The following RGS5 variants were observed in gnomAD, a reference collection of about 807,000 sequenced individuals.
The protein encoded by RGS5 is regulator of G protein signaling 5.
In RGS5, 20 loss-of-function variants were observed where a neutral mutation model predicts 18.9. The observed-to-expected ratio is 1.06, with a 90% confidence interval of 0.74 to 1.54. The LOEUF (loss-of-function observed/expected upper bound fraction) is 1.54, where lower values mean the gene tolerates loss of function less well. RGS5 is among the 40% of genes most tolerant of loss of function. RGS5 has a pLI of 0.00. For synonymous variants in RGS5, 57 were observed against 76.2 expected (o/e 0.75, Z 1.31); for missense variants, 201 against 211.8 (o/e 0.95, Z 0.32).
At chr1:163,166,107 A>T (rs1452548614) in intron 2 of RGS5, among the ~76,000 whole-genome samples, 1 of 58,232 alleles carries the variant, frequency 1.7e-5, no homozygotes, top group Non-Finnish European at 3.2e-5. Flanking sequence ...AGAGAAAGGC[A>T]TAGAAGCAGG....
At chr1:163,298,763 C>T (rs1357779389) in intron 2 of RGS5, among the ~76,000 whole-genome samples, 1 of 152,052 alleles carries the variant, frequency 6.6e-6, no homozygotes, top group African/African-American at 2.4e-5. Flanking sequence ...CTATCTTCAG[C>T]CACTTAAGGG....
At chr1:163,209,820 T>G (rs1200987999) in intron 1 of RGS5, among the ~76,000 whole-genome samples, 1 of 152,138 alleles carries the variant, frequency 6.6e-6, no homozygotes, top group Non-Finnish European at 1.5e-5. Context: ...TTTACCAAAT[T>G]TTATGCCTCT....
intron 2 of RGS5, among the ~76,000 whole-genome samples, chr1:163,264,745 T>A (rs1557924568): frequency 6.6e-6 from 1 of 152,080 alleles, no homozygotes; most frequent in Non-Finnish European, 1.5e-5. Context: ...ATCCTTAGAG[T>A]CATTATATTT....
At chr1:163,191,946 C>A (rs1262577152) in intron 1 of RGS5, among the ~76,000 whole-genome samples, 1 of 152,074 alleles carries the variant, frequency 6.6e-6, no homozygotes, top group Non-Finnish European at 1.5e-5. Flanking sequence ...ATGCAGGGTT[C>A]AGAGAGCTTC....
chr1:163,319,498 T>C (rs1469138837), intron 1 of RGS5, among the ~76,000 whole-genome samples: 4 of 152,206 alleles, frequency 2.6e-5, no homozygotes, highest in Admixed American at 6.5e-5. Context: ...GGGAAATTAC[T>C]GATGATAAAT....
intron 1 of RGS5, among the ~76,000 whole-genome samples, chr1:163,209,050 T>C (rs1238238411): frequency 6.6e-6 from 1 of 152,138 alleles, no homozygotes; most frequent in Non-Finnish European, 1.5e-5. Flanking sequence ...AAAAGAAAAT[T>C]AGTTAAGTCC....
intron 4 of RGS5, among the ~76,000 whole-genome samples, chr1:163,148,732 G>T (rs1209541462): frequency 6.6e-6 from 1 of 152,180 alleles, no homozygotes; most frequent in African/African-American, 2.4e-5. Flanking sequence ...TACGTGAATG[G>T]TTCCTCTGGA....
chr1:163,168,410 G>A, intron 1 of RGS5, 42 bp from the exon 2 acceptor site: 2 of 1,358,462 alleles, frequency 1.5e-6, no homozygotes, highest in Non-Finnish European at 1.0e-6. Flanking sequence ...CACCACATGT[G>A]CATACAGATT....
At chr1:163,169,945 A>G (rs1457499969) in intron 1 of RGS5, among the ~76,000 whole-genome samples, 1 of 152,164 alleles carries the variant, frequency 6.6e-6, no homozygotes, top group East Asian at 1.9e-4. Flanking sequence ...TTGTATCTTC[A>G]GTATTTTAGT....
At chr1:163,231,901 C>T (rs1304350237) in intron 2 of RGS5, among the ~76,000 whole-genome samples, 3 of 152,008 alleles carry the variant, frequency 2.0e-5, no homozygotes, top group African/African-American at 7.2e-5. Flanking sequence ...CCTACTACTA[C>T]AGTAGTTGCT....
At chr1:163,283,618 G>A (rs1042384281) in intron 2 of RGS5, among the ~76,000 whole-genome samples, 2 of 152,122 alleles carry the variant, frequency 1.3e-5, no homozygotes, top group Non-Finnish European at 2.9e-5. Flanking sequence ...TATGGCAATG[G>A]TGATGGGATG....
At position 163,147,497 on chromosome 1, in the gene RGS5, T is replaced by C. The variant is rs752015607; in HGVS notation, c.391A>G (p.Ile131Val). 2 of 1,587,052 alleles carry C rather than the reference T, an allele frequency of 1.3e-6. No homozygotes were observed. Among genetic ancestry groups the C allele is most frequent in the East Asian group, 2.3e-5 (1 of 43,366 alleles). The change falls in exon 5 of 5, where the codon ATT becomes GTT. Residue 131 changes from isoleucine (I) to valine (V), a missense_variant. Ile to Val is a conservative substitution (Grantham distance 29, BLOSUM62 3). Coordinates refer to ENST00000313961, the MANE Select transcript of RGS5 (RefSeq NM_003617.4). Reference sequence around the variant, plus strand: ...GTGATGTCCTTAGTGAAGTGGTCAATATTCACCTGTGGGCCAGGAAACAGG... The same window carrying C: ...GTGATGTCCTTAGTGAAGTGGTCAACATTCACCTGTGGGCCAGGAAACAGG... ...IQTEAPKEVN[I>V]DHFTKDITMK...
intron 4 of RGS5, among the ~76,000 whole-genome samples, chr1:163,152,233 A>G (rs1294251757): frequency 3.9e-5 from 6 of 152,174 alleles, no homozygotes; most frequent in African/African-American, 1.4e-4. Context: ...AGTAGTCTCC[A>G]TTATTCTTAT....
chr1:163,313,978 T>C (rs147477129), intron 1 of RGS5, among the ~76,000 whole-genome samples: 1 of 149,730 alleles, frequency 6.7e-6, no homozygotes, highest in African/African-American at 2.5e-5. Context: ...TCCAGTTTTC[T>C]TTAAAGTAAA....
intron 1 of RGS5, among the ~76,000 whole-genome samples, chr1:163,193,104 G>A (rs1659422390): frequency 6.6e-6 from 1 of 152,114 alleles, no homozygotes; most frequent in South Asian, 2.1e-4. Context: ...ATTTTTACAA[G>A]TACTTTATTT....
At chr1:163,307,066 A>G (rs1244957253) in intron 1 of RGS5, among the ~76,000 whole-genome samples, 1 of 152,208 alleles carries the variant, frequency 6.6e-6, no homozygotes, top group East Asian at 1.9e-4. Flanking sequence ...GAATATATAA[A>G]AAGGGCTCCC....
At chr1:163,287,743 C>T (rs10494387) in intron 2 of RGS5, among the ~76,000 whole-genome samples, 63,292 of 152,126 alleles carry the variant, frequency 0.42, 13,664 homozygotes, top group South Asian at 0.5. Flanking sequence ...AACCTATTTA[C>T]ATCTTTGGGT....
chr1:163,239,972 T>C (rs1647743659), intron 2 of RGS5, among the ~76,000 whole-genome samples: 1 of 152,144 alleles, frequency 6.6e-6, no homozygotes, highest in Non-Finnish European at 1.5e-5. Context: ...CATTCTTATC[T>C]GAATTCCAAA....
chr1:163,191,267 G>C (rs1659339822), intron 1 of RGS5, among the ~76,000 whole-genome samples: 1 of 152,006 alleles, frequency 6.6e-6, no homozygotes, highest in Non-Finnish European at 1.5e-5. Flanking sequence ...CTACAAATGG[G>C]TCTTGACAGG....
Sources: gnomAD v4.1 joint callset for allele counts (sites outside exome capture counted in the v4.1 genomes callset) on GRCh38, gnomAD v4.1.1 for gene constraint, MANE v1.5 for transcripts, NCBI Gene and HGNC (gene_info 2026-07-23, HGNC 2026-07-21) for gene names.